Variants in SLC10A2 observed in about 807,000 individuals in gnomAD.
SLC10A2 encodes ileal sodium/bile acid cotransporter.
A neutral mutation model predicts 27.1 loss-of-function variants in SLC10A2; 34 were observed. The observed-to-expected ratio is 1.26, with a 90% CI of 0.96 to 1.67. SLC10A2 has a LOEUF of 1.67. Ranked by LOEUF, SLC10A2 falls within the 40% of genes most tolerant of loss-of-function variation. SLC10A2 has a pLI of 0.00. For missense variants in SLC10A2, 530 were observed against 444.4 expected, an observed-to-expected ratio of 1.19 and a Z score of -1.73; for synonymous variants, 205 against 174.0, an observed-to-expected ratio of 1.18 and a Z score of -1.40.
intron 1 of SLC10A2, among the ~76,000 whole-genome samples, chr13:103,061,766 C>T (rs990372895): frequency 1.3e-5 from 2 of 152,084 alleles, no homozygotes; most frequent in African/African-American, 4.8e-5. Flanking sequence ...GAATAGGTAG[C>T]TGGAAGTTGA....
In SLC10A2 at chr13:103,066,187, T is replaced by G. The variant is rs373281542; in HGVS notation, c.63A>C (p.Val21=). 9.3e-6 allele frequency: 15 copies of G among 1,614,004 alleles called. No homozygotes were observed. The highest frequency in any genetic ancestry group is 1.3e-5 in the Non-Finnish European group (15 of 1,179,980). Residue 21 remains valine (V), a synonymous_variant, in exon 1 of 6, where the codon GTA becomes GTC. Transcript: ENST00000245312. ...ATVCSGASCV[V]PESNFNNILS... is the part of the protein sequence containing the mutation. Reference sequence around the variant, plus strand: ...GGATGTTATTGAAATTGCTCTCAGGTACCACACAGGATGCACCAGAGCAAA... The same window carrying G: ...GGATGTTATTGAAATTGCTCTCAGGGACCACACAGGATGCACCAGAGCAAA...
chr13:103,055,377 G>T (rs1356657971), intron 2 of SLC10A2, among the ~76,000 whole-genome samples: 1 of 152,178 alleles, frequency 6.6e-6, no homozygotes. Flanking sequence ...GGGCTCACAG[G>T]TGTTTACTGA....
chr13:103,049,542 G>A, intron 4 of SLC10A2, 96 bp from the exon 5 acceptor site: 3 of 1,255,778 alleles, frequency 2.4e-6, no homozygotes, highest in East Asian at 5.1e-5. Context: ...TATGCATTAT[G>A]TCTCTGCTTT....
chr13:103,065,958 C>A lies in SLC10A2; in HGVS notation c.292G>T (p.Val98Leu), dbSNP rs55971546. 2 of 1,614,144 alleles carry A rather than the reference C, an allele frequency of 1.2e-6. No individual in the cohort carries two copies. The highest frequency in any genetic ancestry group is 1.7e-6 in the Non-Finnish European group (2 of 1,179,988). Residue 98 changes from valine (V) to leucine (L), a missense_variant, in exon 1 of 6, where the codon GTA becomes TTA. Val to Leu is a conservative substitution (Grantham distance 32, BLOSUM62 1). Coordinates refer to ENST00000245312, the MANE Select transcript of SLC10A2 (RefSeq NM_000452.3). ...VAFDILPLQAVVVLIIGCCPG... is the reference protein window; with the variant it reads ...VAFDILPLQALVVLIIGCCPG... ...CAGCATCCTATAATGAGCACCACTA[C>A]GGCCTGGAGCGGGAGGATGTCAAAG...
chr13:103,048,156 C>A (rs1168870282), intron 5 of SLC10A2, among the ~76,000 whole-genome samples: 2 of 151,928 alleles, frequency 1.3e-5, no homozygotes, highest in African/African-American at 4.8e-5. Flanking sequence ...GGGGTTTCAC[C>A]GTGTTAGCCA....
intron 5 of SLC10A2, among the ~76,000 whole-genome samples, chr13:103,046,860 G>A (rs1396954639): frequency 3.3e-5 from 5 of 152,198 alleles, no homozygotes; most frequent in Non-Finnish European, 7.3e-5. Flanking sequence ...GGCAAGACCT[G>A]CAGTGTCTAT....
At chr13:103,059,242 T>G (rs1876030719) in intron 1 of SLC10A2, among the ~76,000 whole-genome samples, 1 of 152,222 alleles carries the variant, frequency 6.6e-6, no homozygotes, top group Admixed American at 6.5e-5. Flanking sequence ...GATTGTTGGC[T>G]GCATGTGTGA....
chr13:103,064,706 A>G (rs1366130132), intron 1 of SLC10A2, among the ~76,000 whole-genome samples: 4 of 151,886 alleles, frequency 2.6e-5, no homozygotes, highest in South Asian at 4.2e-4. Flanking sequence ...CTAAACCTGA[A>G]TAGCACTTGC....
rs2301159 is a variant in SLC10A2, at chr13:103,045,378, G to A, written c.*755C>T. On this transcript the variant is annotated 3_prime_UTR_variant, in exon 6 of 6. Transcript: ENST00000245312. ...AAGAGCTCTTTGCCAAATACACACC[G>A]TTTGAAAGAATTATGTTTTTCCTTG... is the stretch of plus-strand genomic sequence containing the variant. 0.27 allele frequency: 40,808 copies of A among 152,058 alleles called. 5,758 individuals are homozygous for A. The highest frequency in any genetic ancestry group is 0.33 in the African/African-American group (13,830 of 41,426). 9.4% of individuals were successfully genotyped at this position (152,058 alleles called of 1,614,324 possible). A position where few individuals can be genotyped will look rare whatever the true frequency, so the allele number is the denominator to read the frequency against.
chr13:103,065,218 A>G (rs1291066011), intron 1 of SLC10A2, among the ~76,000 whole-genome samples: 1 of 152,220 alleles, frequency 6.6e-6, no homozygotes, highest in Admixed American at 6.5e-5. Flanking sequence ...GAAATGGGCA[A>G]ACATTGCAAT....
chr13:103,047,007 G>A (rs1230265374), intron 5 of SLC10A2, among the ~76,000 whole-genome samples: 2 of 152,162 alleles, frequency 1.3e-5, no homozygotes, highest in African/African-American at 2.4e-5. Flanking sequence ...TCTGTTATCT[G>A]AATATCTGAT....
intron 3 of SLC10A2, 59 bp from the exon 4 acceptor site, chr13:103,051,491 G>A (rs555578202): frequency 1.9e-6 from 3 of 1,572,744 alleles, no homozygotes; most frequent in African/African-American, 2.7e-5. Flanking sequence ...ATCCAAGTAT[G>A]TTTGTCAGAG....
At chr13:103,056,044 C>T (rs888449854) in intron 2 of SLC10A2, among the ~76,000 whole-genome samples, 2 of 152,214 alleles carry the variant, frequency 1.3e-5, no homozygotes, top group African/African-American at 4.8e-5. Context: ...TGATGTCTGG[C>T]TCCAGCCAAT....
Position 103,049,394 on chromosome 13 carries a change from T to C in SLC10A2, c.814A>G (p.Thr272Ala). ...TGMQNTQLCS[T>A]IVQLSFTPEE... Reference sequence around the variant, plus strand: ...GGAGTGAAGGAGAGCTGAACGATGGTGGAACATAGCTGCGTGTTCTGCATC... The same window carrying C: ...GGAGTGAAGGAGAGCTGAACGATGGCGGAACATAGCTGCGTGTTCTGCATC... Residue 272 changes from threonine (T) to alanine (A), a missense_variant, in exon 5 of 6, where the codon ACC (threonine) becomes GCC (alanine). Coordinates refer to ENST00000245312, the MANE Select transcript of SLC10A2 (RefSeq NM_000452.3). 6.2e-7 allele frequency: 1 copy of C among 1,614,014 alleles called. No individual in the cohort carries two copies. The highest frequency in any genetic ancestry group is 8.5e-7 in the Non-Finnish European group (1 of 1,179,932).
At chr13:103,046,712 A>G (rs554136402) in intron 5 of SLC10A2, among the ~76,000 whole-genome samples, 4 of 152,286 alleles carry the variant, frequency 2.6e-5, no homozygotes, top group Admixed American at 6.5e-5. Flanking sequence ...CCTTCATTCA[A>G]TCTTTCCCCC....
chr13:103,050,135 T>C (rs937479600), intron 4 of SLC10A2, among the ~76,000 whole-genome samples: 2 of 152,164 alleles, frequency 1.3e-5, no homozygotes, highest in African/African-American at 4.8e-5. Context: ...GGCGACAGAA[T>C]GAGACCCTGT....
At chr13:103,050,109 A>G (rs913484621) in intron 4 of SLC10A2, among the ~76,000 whole-genome samples, 1 of 152,210 alleles carries the variant, frequency 6.6e-6, no homozygotes, top group African/African-American at 2.4e-5. Context: ...TGATTGTGCC[A>G]CTGGACTCCA....
intron 1 of SLC10A2, among the ~76,000 whole-genome samples, chr13:103,060,665 C>T (rs550577507): frequency 1.3e-4 from 20 of 152,190 alleles, no homozygotes; most frequent in Non-Finnish European, 2.5e-4. Context: ...CGGGAGCCAC[C>T]GCACCCTGCA....
chr13:103,044,151 C>G lies in SLC10A2; in HGVS notation c.*1982G>C, dbSNP rs1479455186. On this transcript the variant is annotated 3_prime_UTR_variant, in exon 6 of 6. Transcript: ENST00000245312. ...TTAGAAAGCTCAGCTATTTTTCTTC[C>G]CACTAGCAAATTAGGGAAAAAGACT... The G allele has an allele frequency of 6.6e-6, 1 of 151,998 alleles. No homozygotes were observed. The highest frequency in any genetic ancestry group is 1.5e-5 in the Non-Finnish European group (1 of 68,008). The allele number at this position is 151,998 out of a possible 1,614,324, so 9.4% of individuals were successfully genotyped here. A position where few individuals can be genotyped will look rare whatever the true frequency, so the allele number is the denominator to read the frequency against.
Sources: gnomAD v4.1 joint callset for allele counts (sites outside exome capture counted in the v4.1 genomes callset) on GRCh38, gnomAD v4.1.1 for gene constraint, MANE v1.5 for transcripts, NCBI Gene and HGNC (gene_info 2026-07-23, HGNC 2026-07-21) for gene names.